Variants in SKIC3 observed in about 807,000 individuals in gnomAD.
SKIC3 encodes the protein superkiller complex protein 3.
chr5:95,539,239 A>C, the SKIC3 span, among the ~76,000 whole-genome samples: 1 of 152,154 alleles, frequency 6.6e-6, no homozygotes, highest in Non-Finnish European at 1.5e-5. Context: ...AAGGAGCTTA[A>C]ACAAATTAGC....
chr5:95,549,747 TA>T, the SKIC3 span, among the ~76,000 whole-genome samples: 825 of 152,102 alleles, frequency 5.4e-3, 9 homozygotes, highest in African/African-American at 0.019. Flanking sequence ...CCTTTTTTTT[TA>T]ATTTTTATTT....
the SKIC3 span, chr5:95,484,876 T>C: frequency 1.9e-6 from 3 of 1,609,808 alleles, no homozygotes; most frequent in Non-Finnish European, 2.5e-6. Flanking sequence ...TGTTACTTTC[T>C]TCTGCAATTT....
At chr5:95,525,584 A>G in the SKIC3 span, 8 of 1,614,052 alleles carry the variant, frequency 5.0e-6, no homozygotes, top group Non-Finnish European at 6.8e-6. Context: ...TAAAAAAGCC[A>G]ACCTTTGCAG....
At chr5:95,530,584 T>G in the SKIC3 span, among the ~76,000 whole-genome samples, 1 of 152,116 alleles carries the variant, frequency 6.6e-6, no homozygotes, top group Non-Finnish European at 1.5e-5. Context: ...CTTCCTCAAG[T>G]TCTCTTCCTG....
chr5:95,529,176 T>G, the SKIC3 span: 19 of 1,261,394 alleles, frequency 1.5e-5, no homozygotes, highest in Admixed American at 8.9e-5. Flanking sequence ...ATGCCTACTC[T>G]CCAAATCAGA....
chr5:95,513,540 G>C, the SKIC3 span: 1 of 1,601,142 alleles, frequency 6.2e-7, no homozygotes, highest in Non-Finnish European at 8.6e-7. Flanking sequence ...TCTCATTAAT[G>C]AATCCTCAAG....
chr5:95,483,996 A>T, the SKIC3 span, among the ~76,000 whole-genome samples: 1 of 152,174 alleles, frequency 6.6e-6, no homozygotes, highest in African/African-American at 2.4e-5. Context: ...ATCAAAGGAA[A>T]ATACTGCCTC....
the SKIC3 span, chr5:95,509,541 G>T: frequency 1.5e-6 from 2 of 1,351,166 alleles, no homozygotes; most frequent in South Asian, 2.4e-5. Context: ...GATTCTCCAG[G>T]AACCCTTCCC....
chr5:95,490,390 T>G, the SKIC3 span, among the ~76,000 whole-genome samples: 1 of 148,280 alleles, frequency 6.7e-6, no homozygotes, highest in Non-Finnish European at 1.5e-5. Flanking sequence ...ACTATGGATT[T>G]TTAATGAATA....
the SKIC3 span, chr5:95,543,362 A>T: frequency 8.5e-5 from 137 of 1,608,856 alleles, no homozygotes; most frequent in Middle Eastern, 2.0e-3. Context: ...TAGGTTAGTA[A>T]ATTTTCGAAG....
chr5:95,503,779 T>C, the SKIC3 span: 2 of 1,612,404 alleles, frequency 1.2e-6, no homozygotes, highest in Non-Finnish European at 1.7e-6. Context: ...AACTCGACTC[T>C]AAATGTGTCC....
At chr5:95,546,340 AAAAAAAAAAAAC>A in the SKIC3 span, among the ~76,000 whole-genome samples, 917 of 133,114 alleles carry the variant, frequency 6.9e-3, 5 homozygotes, top group African/African-American at 8.7e-3. Context: ...CCACCATGAG[AAAAAAAAAAAAC>A]AAAAAAAAAA....
the SKIC3 span, among the ~76,000 whole-genome samples, chr5:95,464,943 T>TTTTTA: frequency 1.2e-4 from 16 of 130,300 alleles, no homozygotes; most frequent in South Asian, 1.5e-3. Context: ...TTTTTTTTTT[T>TTTTTA]GGACGGAATC....
At chr5:95,478,215 T>C in the SKIC3 span, 1 of 1,522,574 alleles carries the variant, frequency 6.6e-7, no homozygotes, top group African/African-American at 1.4e-5. Context: ...TGAATATTAC[T>C]ATGTAAAAAG....
the SKIC3 span, chr5:95,523,196 C>A: frequency 2.9e-5 from 47 of 1,613,432 alleles, no homozygotes; most frequent in South Asian, 4.0e-4. Context: ...CAATAAGGTG[C>A]CTTACTCAGC....
At chr5:95,509,039 C>A in the SKIC3 span, among the ~76,000 whole-genome samples, 1 of 152,202 alleles carries the variant, frequency 6.6e-6, no homozygotes, top group Non-Finnish European at 1.5e-5. Context: ...TTCTCCACCC[C>A]ACCTCCTTAA....
chr5:95,537,242 A>C, the SKIC3 span: 1 of 1,031,712 alleles, frequency 9.7e-7, no homozygotes, highest in Non-Finnish European at 1.5e-6. Context: ...ATTAACTGCA[A>C]ATGTATTCTA....
chr5:95,554,641 C>A, the SKIC3 span, among the ~76,000 whole-genome samples: 4 of 152,166 alleles, frequency 2.6e-5, no homozygotes, highest in East Asian at 7.7e-4. Flanking sequence ...GTAAGAGAAG[C>A]AATAAGATGA....
the SKIC3 span, chr5:95,543,447 C>T: frequency 8.9e-7 from 1 of 1,121,576 alleles, no homozygotes; most frequent in Non-Finnish European, 1.3e-6. Context: ...GGGCAAACTT[C>T]AGAATGCCAT....
Sources: allele counts gnomAD v4.1 joint callset (sites outside exome capture counted in the v4.1 genomes callset), GRCh38; gene constraint gnomAD v4.1.1; transcripts MANE v1.5; gene names NCBI Gene and HGNC (gene_info 2026-07-23, HGNC 2026-07-21).